The following POU6F2 variants were observed in gnomAD, a reference collection of about 807,000 sequenced individuals.
The protein encoded by POU6F2 is POU class 6 homeobox 2.
Under a neutral mutation model 71.3 loss-of-function variants are expected in POU6F2, and 31 were observed. The observed-to-expected ratio is 0.43, with a 90% CI of 0.33 to 0.59. The LOEUF is 0.59. Ranked by LOEUF, POU6F2 falls within the 20% of genes least tolerant of loss-of-function variation. The pLI, the probability that POU6F2 is intolerant of heterozygous loss-of-function variation, is 0.04. For missense variants in POU6F2, 783 were observed against 856.8 expected, an observed-to-expected ratio of 0.91 and a Z score of 1.07; for synonymous variants, 347 against 355.7, an observed-to-expected ratio of 0.98 and a Z score of 0.27.
intron 2 of POU6F2, among the ~76,000 whole-genome samples, chr7:39,180,690 T>C (rs1290770389): frequency 1.3e-5 from 2 of 152,188 alleles, no homozygotes; most frequent in Non-Finnish European, 2.9e-5. Flanking sequence ...GGGCTCTGTG[T>C]TTAGTTCAAT....
At chr7:39,101,845 T>A (rs535179533) in intron 2 of POU6F2, among the ~76,000 whole-genome samples, 1 of 152,316 alleles carries the variant, frequency 6.6e-6, no homozygotes, top group East Asian at 1.9e-4. Flanking sequence ...ATATATATGG[T>A]TATTATTAGT....
In POU6F2 at chr7:39,312,280, G is replaced by C. The variant is rs541272507; in HGVS notation, c.599-27362G>C. Reference sequence around the variant, plus strand: ...ATTAATAGTGAATCTTTGCTATAAGGCATGTTTTGGTACTGTTAACTGAAC... The same window carrying C: ...ATTAATAGTGAATCTTTGCTATAAGCCATGTTTTGGTACTGTTAACTGAAC... On this transcript the variant is annotated intron_variant, in intron 4 of 9. Coordinates refer to ENST00000518318, the MANE Select transcript of POU6F2 (RefSeq NM_001370959.1). 5.3e-4 allele frequency among the ~76,000 whole-genome samples: 80 copies of C among 152,270 alleles called. 1 individual carries two copies. In the South Asian group the frequency reaches 7.0e-3, roughly 13 times the overall value.
At chr7:39,289,466 G>A (rs6960329) in intron 4 of POU6F2, among the ~76,000 whole-genome samples, 103,318 of 152,108 alleles carry the variant, frequency 0.68, 35,184 homozygotes, top group Admixed American at 0.77. Context: ...ACCTAAAAGC[G>A]GGACTTCATT....
At chr7:39,186,022 C>T (rs559963244) in intron 2 of POU6F2, among the ~76,000 whole-genome samples, 1 of 152,134 alleles carries the variant, frequency 6.6e-6, no homozygotes, top group South Asian at 2.1e-4. Context: ...GGGATTCTCC[C>T]ACCTCAGCCT....
chr7:39,219,453 C>A (rs746783952), intron 4 of POU6F2, among the ~76,000 whole-genome samples: 2 of 152,102 alleles, frequency 1.3e-5, no homozygotes, highest in Non-Finnish European at 2.9e-5. Context: ...ACCTTTGGGT[C>A]ATGCCTGCTG....
intron 2 of POU6F2, among the ~76,000 whole-genome samples, chr7:39,172,658 T>G (rs1481495115): frequency 6.6e-6 from 1 of 151,354 alleles, no homozygotes; most frequent in Non-Finnish European, 1.5e-5. Flanking sequence ...ATTCATGCTG[T>G]TGCCCAGACT....
chr7:39,136,060 A>C (rs969037942), intron 2 of POU6F2, among the ~76,000 whole-genome samples: 2 of 152,192 alleles, frequency 1.3e-5, no homozygotes, highest in Admixed American at 6.5e-5. Context: ...TATGAAGAAA[A>C]CCACAAAATT....
chr7:39,357,977 A>G (rs1206770048), intron 5 of POU6F2, among the ~76,000 whole-genome samples: 2 of 151,818 alleles, frequency 1.3e-5, no homozygotes, highest in African/African-American at 4.8e-5. Context: ...TTTGAGAGAA[A>G]GAGAGAGAGT....
intron 4 of POU6F2, among the ~76,000 whole-genome samples, chr7:39,293,770 G>A (rs555335545): frequency 1.3e-5 from 2 of 152,288 alleles, no homozygotes; most frequent in South Asian, 4.1e-4. Context: ...AAGGAAACCC[G>A]TGACTGTTTT....
intron 2 of POU6F2, among the ~76,000 whole-genome samples, chr7:39,103,406 A>G (rs527418704): frequency 6.9e-4 from 105 of 152,152 alleles, no homozygotes; most frequent in Non-Finnish European, 1.4e-3. Context: ...ATCAATCAAG[A>G]CACTCCATCT....
chr7:39,282,751 C>T (rs546870762), intron 4 of POU6F2, among the ~76,000 whole-genome samples: 3 of 152,056 alleles, frequency 2.0e-5, no homozygotes, highest in African/African-American at 7.2e-5. Context: ...TACAAAATTG[C>T]TTTGGCTGTT....
At chr7:39,410,525 TGGGCA>T (rs560380496) in intron 6 of POU6F2, among the ~76,000 whole-genome samples, 195 of 152,256 alleles carry the variant, frequency 1.3e-3, no homozygotes, top group Non-Finnish European at 2.3e-3. Context: ...GTGTGGCAGG[TGGGCA>T]ATGGAACGGG....
At chr7:39,342,535 G>A (rs1471045773) in intron 5 of POU6F2, among the ~76,000 whole-genome samples, 1 of 152,148 alleles carries the variant, frequency 6.6e-6, no homozygotes, top group Non-Finnish European at 1.5e-5. Context: ...AAAATCTGCT[G>A]GAGAGATATT....
intron 5 of POU6F2, among the ~76,000 whole-genome samples, chr7:39,392,416 T>G (rs536267068): frequency 6.6e-6 from 1 of 152,356 alleles, no homozygotes; most frequent in South Asian, 2.1e-4. Flanking sequence ...TCAGTGCCAC[T>G]GTGGGAGAAA....
chr7:39,214,268 A>G (rs1022013681), intron 4 of POU6F2, among the ~76,000 whole-genome samples: 1 of 152,086 alleles, frequency 6.6e-6, no homozygotes, highest in Non-Finnish European at 1.5e-5. Flanking sequence ...GGCCTTTTGC[A>G]CAGGCTGTTC....
chr7:39,398,196 T>C (rs1258453696), intron 5 of POU6F2, among the ~76,000 whole-genome samples: 1 of 152,120 alleles, frequency 6.6e-6, no homozygotes, highest in South Asian at 2.1e-4. Context: ...ACTGGATGCC[T>C]GGCACTGTTG....
chr7:39,097,313 A>G (rs762874161), intron 2 of POU6F2, among the ~76,000 whole-genome samples: 7 of 152,224 alleles, frequency 4.6e-5, no homozygotes, highest in South Asian at 2.1e-4. Flanking sequence ...TATAGAAGTT[A>G]GAAGAACAAT....
intron 2 of POU6F2, among the ~76,000 whole-genome samples, chr7:39,129,273 G>A (rs1170924160): frequency 6.6e-6 from 1 of 152,130 alleles, no homozygotes; most frequent in Non-Finnish European, 1.5e-5. Context: ...AGCTTCATAA[G>A]AATAGAAATT....
intron 8 of POU6F2, among the ~76,000 whole-genome samples, chr7:39,454,005 A>C (rs915260673): frequency 3.3e-5 from 5 of 152,336 alleles, no homozygotes; most frequent in African/African-American, 1.2e-4. Context: ...CATGTTGTTT[A>C]GTTAAATCCC....
Sources: allele counts gnomAD v4.1 joint callset (sites outside exome capture counted in the v4.1 genomes callset), GRCh38; gene constraint gnomAD v4.1.1; transcripts MANE v1.5; gene names NCBI Gene and HGNC (gene_info 2026-07-23, HGNC 2026-07-21).